CNNM4: variants seen among roughly 807,000 people sequenced by gnomAD.
CNNM4 encodes the protein cyclin and CBS domain divalent metal cation transport mediator 4.
In CNNM4, 32 loss-of-function variants were observed where a neutral mutation model predicts 53.7. That is an observed-to-expected ratio of 0.60 (90% confidence interval 0.45 to 0.80). The LOEUF (loss-of-function observed/expected upper bound fraction) is 0.80. Among genes scored for constraint, CNNM4 ranks in the 30% least tolerant of loss-of-function variants. CNNM4 has a pLI of 0.00. For missense variants in CNNM4, 784 were observed against 1,022.0 expected, an observed-to-expected ratio of 0.77 and a Z score of 3.17; for synonymous variants, 410 against 440.0, an observed-to-expected ratio of 0.93 and a Z score of 0.85.
intron 1 of CNNM4, among the ~76,000 whole-genome samples, chr2:96,788,109 G>A (rs1027558473): frequency 6.6e-6 from 1 of 152,180 alleles, no homozygotes. Flanking sequence ...TTTTAGTAGA[G>A]ATGGGGCTTC....
intron 1 of CNNM4, among the ~76,000 whole-genome samples, chr2:96,768,514 C>T (rs1057264464): frequency 2.0e-5 from 3 of 152,112 alleles, no homozygotes; most frequent in South Asian, 2.1e-4. Context: ...TAACTAGACT[C>T]GTTGATCCTT....
chr2:96,773,480 G>A (rs916638859), intron 1 of CNNM4, among the ~76,000 whole-genome samples: 3 of 152,176 alleles, frequency 2.0e-5, no homozygotes, highest in Non-Finnish European at 2.9e-5. Context: ...CTGCCCTGCT[G>A]TTCAGGGTGG....
chr2:96,769,563 CAAAA>C (rs1198986708), intron 1 of CNNM4, among the ~76,000 whole-genome samples: 9 of 63,704 alleles, frequency 1.4e-4, no homozygotes, highest in African/African-American at 3.6e-4. Flanking sequence ...GACTCTGTCT[CAAAA>C]AAAAAAAAAA....
Position 96,797,989 on chromosome 2 carries a change from G to A in CNNM4, c.1681+342G>A, listed in dbSNP as rs957254853. Among the ~76,000 whole-genome samples the A allele has an allele frequency of 3.3e-5, 5 of 152,006 alleles. No individual in the cohort carries two copies. In the Middle Eastern group the frequency reaches 9.5e-3, roughly 289 times the overall value. ...GGATTGCATGAGCCCAGGAGTTCGA[G>A]ACCAGCCTGAGCAACATGGCGAGAC... On this transcript the variant is annotated intron_variant, in intron 3 of 6. Transcript: ENST00000377075. This position sits in a 1 kb window ranked among gnomAD's most constrained non-coding sequence, Gnocchi z 6.0.
intron 1 of CNNM4, among the ~76,000 whole-genome samples, chr2:96,780,540 G>A (rs1286148861): frequency 6.6e-6 from 1 of 151,748 alleles, no homozygotes; most frequent in Non-Finnish European, 1.5e-5. Context: ...GATTACAGGC[G>A]TGAGCCACCA....
chr2:96,798,173 C>G (rs2079121913), intron 3 of CNNM4: 1 of 228,578 alleles, frequency 4.4e-6, no homozygotes. Flanking sequence ...TTTGAAGCTG[C>G]AGTAAGTTGT....
chr2:96,798,506 C>A (rs1288085765), intron 3 of CNNM4, among the ~76,000 whole-genome samples: 1 of 152,148 alleles, frequency 6.6e-6, no homozygotes, highest in Admixed American at 6.5e-5. Context: ...TTCAAAGCTC[C>A]ACTGGGGACT....
chr2:96,804,710 A>G (rs1375021381), intron 5 of CNNM4, among the ~76,000 whole-genome samples: 1 of 151,550 alleles, frequency 6.6e-6, no homozygotes, highest in African/African-American at 2.4e-5. Context: ...CAAATTTTGT[A>G]TTTTTAGTAG....
intron 1 of CNNM4, among the ~76,000 whole-genome samples, chr2:96,790,521 A>C (rs549258798): frequency 6.6e-6 from 1 of 150,898 alleles, no homozygotes; most frequent in East Asian, 2.0e-4. Context: ...TGCTTGGCTA[A>C]TTTTGTATTT....
At chr2:96,763,819 A>C (rs1357880418) in intron 1 of CNNM4, among the ~76,000 whole-genome samples, 1 of 143,510 alleles carries the variant, frequency 7.0e-6, no homozygotes, top group Non-Finnish European at 1.5e-5. Context: ...AGCCCCAGGG[A>C]AGGTGGCCTC....
chr2:96,788,303 A>G (rs1287775502), intron 1 of CNNM4, among the ~76,000 whole-genome samples: 4 of 146,672 alleles, frequency 2.7e-5, no homozygotes, highest in Non-Finnish European at 5.9e-5. Context: ...CTCAGAGTCT[A>G]GCGAGTATAG....
rs1204753306 is a variant in CNNM4, at chr2:96,761,075, C to G, written c.76C>G (p.Leu26Val). 3 of 1,321,996 alleles carry G rather than the reference C, an allele frequency of 2.3e-6. No individual in the cohort carries two copies. In the African/African-American group the frequency reaches 4.5e-5, roughly 20 times the overall value. 81.9% of individuals were successfully genotyped at this position (1,321,996 alleles called of 1,614,324 possible). Residue 26 changes from leucine (L) to valine (V), a missense_variant, in exon 1 of 7, where the codon CTG becomes GTG. Leu to Val is a conservative substitution (Grantham distance 32). Coordinates refer to ENST00000377075, the MANE Select transcript of CNNM4 (RefSeq NM_020184.4). This position sits in a 1 kb window ranked among gnomAD's most constrained non-coding sequence, Gnocchi z 6.0. ...RGRLLLAAPV[L>V]LVLLWALGAR... Reference sequence around the variant, plus strand: ...GCGCCTCCTCCTGGCGGCGCCGGTGCTGCTGGTGCTGCTGTGGGCGCTGGG... The same window carrying G: ...GCGCCTCCTCCTGGCGGCGCCGGTGGTGCTGGTGCTGCTGTGGGCGCTGGG...
At chr2:96,799,759 G>A (rs2079142244) in intron 5 of CNNM4, 111 bp downstream of exon 5, 1 of 970,752 alleles carries the variant, frequency 1.0e-6, no homozygotes, top group Non-Finnish European at 1.6e-6. Flanking sequence ...CAGCTGGCTG[G>A]GGCAGAGGGA....
In CNNM4 at chr2:96,810,167, A is replaced by C. The variant is rs776449781; in HGVS notation, c.*650A>C. 6.5e-6 allele frequency: 1 copy of C among 152,748 alleles called. No homozygotes were observed. The highest frequency in any genetic ancestry group is 1.5e-5 in the Non-Finnish European group (1 of 68,302). The allele number at this position is 152,748 out of a possible 1,614,324, so 9.5% of individuals were successfully genotyped here. ...CTCCTGGGTAGCTGTGATCAGGGAC[A>C]TGATAATCTGAGCTATGCAGAGGAG... is the stretch of plus-strand genomic sequence containing the variant. On this transcript the variant is annotated 3_prime_UTR_variant, in exon 7 of 7. Transcript: ENST00000377075. This position sits in a 1 kb window ranked among gnomAD's most constrained non-coding sequence, Gnocchi z 4.1.
In CNNM4 at chr2:96,761,740, C is replaced by G. The variant is rs752249547; in HGVS notation, c.741C>G (p.Leu247=). ...GCAACTACCTTCTCTGCTCGTTGCTCCTAGGGAACGTGCTGGTCAACACCT... is the reference window on the plus strand; with the variant it reads ...GCAACTACCTTCTCTGCTCGTTGCTGCTAGGGAACGTGCTGGTCAACACCT... ...RKGNYLLCSL[L]LGNVLVNTSL... The change falls in exon 1 of 7, where the codon CTC becomes CTG. Residue 247 remains leucine (L), a synonymous_variant. Coordinates refer to ENST00000377075, the MANE Select transcript of CNNM4 (RefSeq NM_020184.4). The surrounding 1 kb of genome is among the most constrained non-coding windows in gnomAD (Gnocchi z 6.0). The G allele has an allele frequency of 6.2e-7, 1 of 1,610,222 alleles. No individual in the cohort carries two copies. Among genetic ancestry groups the G allele is most frequent in the African/African-American group, 1.3e-5 (1 of 74,894 alleles).
At chr2:96,809,131 T>C in intron 6 of CNNM4, 189 bp from the exon 7 acceptor site, 1 of 1,316,922 alleles carries the variant, frequency 7.6e-7, no homozygotes. Context: ...TGTGAGCCAC[T>C]GTGCCCAGCC....
In CNNM4 at chr2:96,800,995, C is replaced by T. The variant is rs1201364815; in HGVS notation, c.1948+1347C>T. On this transcript the variant is annotated intron_variant, in intron 5 of 6. Coordinates refer to ENST00000377075, the MANE Select transcript of CNNM4 (RefSeq NM_020184.4). The surrounding 1 kb of genome is among the most constrained non-coding windows in gnomAD (Gnocchi z 4.6). ...CCAAAGCAGCCTGGCCCCGTCAGGT[C>T]TGCCTCTGTCCTGTGCCTGTGGTTC... 4 of 645,602 alleles carry T rather than the reference C, an allele frequency of 6.2e-6. No individual in the cohort carries two copies. The highest frequency in any genetic ancestry group is 7.7e-6 in the Non-Finnish European group (4 of 519,842). The allele number at this position is 645,602 out of a possible 1,614,324, so 40.0% of individuals were successfully genotyped here.
chr2:96,793,984 C>G (rs1442109368), intron 1 of CNNM4, among the ~76,000 whole-genome samples: 2 of 152,118 alleles, frequency 1.3e-5, no homozygotes, highest in African/African-American at 4.8e-5. Flanking sequence ...AAAATAAAAA[C>G]AGAGAGAGGC....
intron 1 of CNNM4, among the ~76,000 whole-genome samples, chr2:96,796,427 T>C (rs1460645262): frequency 6.6e-6 from 1 of 152,106 alleles, no homozygotes; most frequent in Non-Finnish European, 1.5e-5. Flanking sequence ...ATTACAGATG[T>C]GAGCCATTGC....
Sources: gnomAD v4.1 joint callset for allele counts (sites outside exome capture counted in the v4.1 genomes callset) on GRCh38, gnomAD v4.1.1 for gene constraint, Gnocchi (gnomAD v3.1) non-coding constraint, MANE v1.5 for transcripts, NCBI Gene and HGNC (gene_info 2026-07-23, HGNC 2026-07-21) for gene names.